Variants in WDR26 observed in about 807,000 individuals in gnomAD.
The protein encoded by WDR26 is WD repeat-containing protein 26.
Under a neutral mutation model 84.1 loss-of-function variants are expected in WDR26, and 5 were observed. The observed-to-expected ratio is 0.06, with a 90% CI of 0.03 to 0.13. The LOEUF is 0.13. Among genes scored for constraint, WDR26 ranks in the 10% least tolerant of loss-of-function variants. The pLI is 1.00. For missense variants in WDR26, 642 were observed against 974.9 expected (o/e 0.66, Z 4.55); for synonymous variants, 415 against 389.6 (o/e 1.07, Z -0.77).
intron 9 of WDR26, among the ~76,000 whole-genome samples, chr1:224,399,648 C>A (rs568056697): frequency 6.6e-6 from 1 of 152,154 alleles, no homozygotes; most frequent in African/African-American, 2.4e-5. Flanking sequence ...GCAAACTCAG[C>A]AGAAACATAC....
chr1:224,406,593 T>G (rs1392909149), intron 7 of WDR26, among the ~76,000 whole-genome samples: 1 of 152,232 alleles, frequency 6.6e-6, no homozygotes, highest in African/African-American at 2.4e-5. Flanking sequence ...ACCATTGTTT[T>G]GATAAAATTG....
chr1:224,434,246 G>C lies in WDR26; in HGVS notation c.160C>G (p.Pro54Ala). The change falls in exon 1 of 14, where the codon CCG (proline) becomes GCG (alanine). Residue 54 changes from proline (P) to alanine (A), a missense_variant. This residue lies in a region of WDR26 where 291 missense variants were observed against 302.1 expected (regional missense o/e 0.96). Coordinates refer to ENST00000414423, the MANE Select transcript of WDR26 (RefSeq NM_001379403.1). ...GAGGAGGACGAGGACGACGAGGACG[G>C]AGGGGAGAGGCCTGCTCTGCCTGCC... 1.5e-6 allele frequency: 2 copies of C among 1,374,790 alleles called. No homozygotes were observed. The highest frequency in any genetic ancestry group is 9.4e-7 in the Non-Finnish European group (1 of 1,067,758). 85.2% of individuals were successfully genotyped at this position (1,374,790 alleles called of 1,614,324 possible).
intron 4 of WDR26, 118 bp from the exon 5 acceptor site, chr1:224,419,733 T>C: frequency 2.8e-6 from 2 of 714,676 alleles, no homozygotes; most frequent in East Asian, 2.7e-5. Context: ...AAGAAATTTC[T>C]ACAGTGGACT....
intron 7 of WDR26, among the ~76,000 whole-genome samples, chr1:224,405,358 G>C (rs1673522930): frequency 6.6e-6 from 1 of 151,960 alleles, no homozygotes; most frequent in South Asian, 2.1e-4. Flanking sequence ...CTACTTTTTG[G>C]CTATTATGAA....
chr1:224,410,873 T>C (rs1410778267), intron 7 of WDR26, among the ~76,000 whole-genome samples: 1 of 151,846 alleles, frequency 6.6e-6, no homozygotes, highest in African/African-American at 2.4e-5. Flanking sequence ...TAATTTTTTG[T>C]AGTGACAGAC....
At position 224,387,589 on chromosome 1, in the gene WDR26, G is replaced by A. The variant is rs1005152448; in HGVS notation, c.*2246C>T. The stretch of plus-strand genomic sequence containing the variant: ...GAAGCACTCTGAAAACTCAGATCTA[G>A]GGGTGGTTAGGTGAAGTAGAGTAGA... On this transcript the variant is annotated 3_prime_UTR_variant, in exon 14 of 14. Transcript: ENST00000414423. 1.0e-4 allele frequency: 16 copies of A among 152,606 alleles called. No individual in the cohort carries two copies. Among genetic ancestry groups the A allele is most frequent in the Admixed American group, 1.0e-3 (16 of 15,280 alleles). 9.5% of individuals were successfully genotyped at this position (152,606 alleles called of 1,614,324 possible).
rs529007553 is a variant in WDR26 at position 224,401,089 on chromosome 1, T to C, written c.1600-20A>G. 129 of 1,605,946 alleles carry C rather than the reference T, an allele frequency of 8.0e-5. No individual in the cohort carries two copies. In the East Asian group the frequency reaches 2.8e-3, roughly 35 times the overall value. ...TCCTGTCTATAAGGAAATAAAACTG[T>C]AAATGAGACCTTCAAGATACCCCTC... On this transcript the variant is annotated intron_variant, in intron 8 of 13. Transcript: ENST00000414423.
rs1244211620 is a variant in WDR26 at position 224,389,105 on chromosome 1, T to A, written c.*730A>T. On this transcript the variant is annotated 3_prime_UTR_variant, in exon 14 of 14. Coordinates refer to ENST00000414423, the MANE Select transcript of WDR26 (RefSeq NM_001379403.1). Reference sequence around the variant, plus strand: ...GAAACTGTTTTTAAGCTGGTTTAGATTCCAAATGTATACAAATGAAGTCAC... The same window carrying A: ...GAAACTGTTTTTAAGCTGGTTTAGAATCCAAATGTATACAAATGAAGTCAC... The A allele has an allele frequency of 6.5e-6, 1 of 152,692 alleles. No homozygotes were observed. The highest frequency in any genetic ancestry group is 1.9e-4 in the East Asian group (1 of 5,210). The allele number at this position is 152,692 out of a possible 1,614,324, so 9.5% of individuals were successfully genotyped here.
chr1:224,414,511 T>C (rs1209156390), intron 6 of WDR26, among the ~76,000 whole-genome samples: 1 of 116,368 alleles, frequency 8.6e-6, no homozygotes, highest in Non-Finnish European at 1.8e-5. Context: ...AATTCATTTA[T>C]TCATAATTCT....
chr1:224,401,702 G>A (rs76386233), intron 8 of WDR26, among the ~76,000 whole-genome samples: 1,616 of 96,710 alleles, frequency 0.017, 72 homozygotes, highest in African/African-American at 0.042. Flanking sequence ...AAAAAAAAAA[G>A]AAAAAAGAAA....
intron 1 of WDR26, among the ~76,000 whole-genome samples, chr1:224,432,848 C>A (rs1341521673): frequency 1.3e-5 from 2 of 152,212 alleles, no homozygotes; most frequent in Non-Finnish European, 2.9e-5. Flanking sequence ...CTACCTTCCA[C>A]CCCCTTAGTT....
intron 6 of WDR26, among the ~76,000 whole-genome samples, chr1:224,417,774 T>C (rs555210570): frequency 1.3e-5 from 2 of 152,328 alleles, no homozygotes; most frequent in African/African-American, 4.8e-5. Context: ...ATAGTAGGTA[T>C]ATTTTTACTC....
At chr1:224,419,440 T>A in intron 5 of WDR26, 78 bp downstream of exon 5, 1 of 1,094,208 alleles carries the variant, frequency 9.1e-7, no homozygotes, top group South Asian at 1.3e-5. Context: ...ATATTCCCCA[T>A]CTGTCTTCCT....
At position 224,387,740 on chromosome 1, in the gene WDR26, A is replaced by G. The variant is rs1673021441; in HGVS notation, c.*2095T>C. On this transcript the variant is annotated 3_prime_UTR_variant, in exon 14 of 14. Transcript: ENST00000414423. ...TGCCCACATTTAGTGATGTTACCAT[A>G]GAGACTGGGGTGTATTAACGGCTTC... is the stretch of plus-strand genomic sequence containing the variant. 1 of 152,618 alleles carries G rather than the reference A, an allele frequency of 6.6e-6. No individual in the cohort carries two copies. The highest frequency in any genetic ancestry group is 1.5e-5 in the Non-Finnish European group (1 of 68,032). 9.5% of individuals were successfully genotyped at this position (152,618 alleles called of 1,614,324 possible). A position where few individuals can be genotyped will look rare whatever the true frequency, so the allele number is the denominator to read the frequency against.
At chr1:224,414,174 C>T (rs764787901) in intron 6 of WDR26, among the ~76,000 whole-genome samples, 1 of 150,084 alleles carries the variant, frequency 6.7e-6, no homozygotes, top group Admixed American at 6.7e-5. Flanking sequence ...GGCACGATCT[C>T]GGCTCACTGC....
intron 7 of WDR26, among the ~76,000 whole-genome samples, chr1:224,409,817 T>C (rs1434267866): frequency 6.8e-6 from 1 of 147,398 alleles, no homozygotes; most frequent in Non-Finnish European, 1.5e-5. Flanking sequence ...GAGCCAAGAT[T>C]GCCCCACTGC....
chr1:224,418,222 G>GT, intron 6 of WDR26, 38 bp downstream of exon 6: 1 of 1,559,584 alleles, frequency 6.4e-7, no homozygotes, highest in Non-Finnish European at 8.7e-7. Context: ...TTTGTAAAAT[G>GT]TTAGGCTGTT....
At chr1:224,406,887 T>C (rs1243479978) in intron 7 of WDR26, among the ~76,000 whole-genome samples, 1 of 151,626 alleles carries the variant, frequency 6.6e-6, no homozygotes, top group African/African-American at 2.4e-5. Context: ...TTTGGGAGGT[T>C]GAAGCAGGCG....
At chr1:224,412,803 T>C (rs1274935237) in intron 6 of WDR26, 2 of 152,204 alleles carry the variant, frequency 1.3e-5, no homozygotes, top group African/African-American at 4.8e-5. Flanking sequence ...TTTGAATTAT[T>C]TTACATTTGA....
Sources: gnomAD v4.1 joint callset for allele counts (sites outside exome capture counted in the v4.1 genomes callset) on GRCh38, gnomAD v4.1.1 for gene constraint, gnomAD v4.1.1 regional missense constraint, MANE v1.5 for transcripts, NCBI Gene and HGNC (gene_info 2026-07-23, HGNC 2026-07-21) for gene names.